Variants in RPAP3 observed in about 807,000 individuals in gnomAD.
The protein encoded by RPAP3 is RNA polymerase II associated protein 3.
In RPAP3, 58 loss-of-function variants were observed where a neutral mutation model predicts 88.8. The observed-to-expected ratio is 0.65, with a 90% confidence interval of 0.53 to 0.81. The LOEUF is 0.81. Ranked by LOEUF, RPAP3 falls within the 40% of genes least tolerant of loss-of-function variation. The pLI is 0.00. For synonymous variants in RPAP3, 255 were observed against 259.9 expected, an observed-to-expected ratio of 0.98 and a Z score of 0.18; for missense variants, 751 against 764.3, an observed-to-expected ratio of 0.98 and a Z score of 0.20.
At chr12:47,668,875 C>A in intron 14 of RPAP3, 41 bp downstream of exon 14, 2 of 1,486,438 alleles carry the variant, frequency 1.3e-6, no homozygotes, top group Non-Finnish European at 1.9e-6. Flanking sequence ...AGTTCTCTGA[C>A]CTTTTACTTA....
intron 5 of RPAP3, among the ~76,000 whole-genome samples, chr12:47,693,890 A>C (rs1020973097): frequency 6.6e-6 from 1 of 152,230 alleles, no homozygotes; most frequent in Non-Finnish European, 1.5e-5. Flanking sequence ...AAGACCTACC[A>C]AACACAGATG....
chr12:47,686,295 C>T (rs2136629261), intron 9 of RPAP3, among the ~76,000 whole-genome samples: 1 of 152,244 alleles, frequency 6.6e-6, no homozygotes, highest in East Asian at 1.9e-4. Context: ...TCAATGACAG[C>T]AGTTCTCTTT....
intron 16 of RPAP3, chr12:47,664,937 G>A (rs1938838699): frequency 6.6e-6 from 1 of 152,176 alleles, no homozygotes; most frequent in Non-Finnish European, 1.5e-5. Context: ...AGAAGAGAGA[G>A]GTTCATGGGG....
In RPAP3 at chr12:47,687,908, T is replaced by C. The variant is rs1939355858; in HGVS notation, c.832A>G (p.Asn278Asp). Residue 278 changes from asparagine to aspartate, a missense_variant, in exon 8 of 17, where the codon AAT becomes GAT. By Grantham distance (23) the Asn-to-Asp change is conservative. Coordinates refer to ENST00000005386, the MANE Select transcript of RPAP3 (RefSeq NM_024604.3). ...GERKQIEAQQNKQQAISEKDR... is the reference protein window; with the variant it reads ...GERKQIEAQQDKQQAISEKDR... ...TTCTCTGAAATGGCCTGCTGCTTAT[T>C]CTGTTGTGCTTCAATTTGCTTTCGC... 1.2e-6 allele frequency: 2 copies of C among 1,613,502 alleles called. No homozygotes were observed. The highest frequency in any genetic ancestry group is 1.7e-5 in the Admixed American group (1 of 59,958).
At position 47,691,966 on chromosome 12, in the gene RPAP3, C is replaced by T. The variant is rs188933476; in HGVS notation, c.546-1327G>A. Reference sequence around the variant, plus strand: ...TTCACCGTGTTTGCCAGGATGGTCTCGATCTCCTGACCTTGTGATCTGCCC... The same window carrying T: ...TTCACCGTGTTTGCCAGGATGGTCTTGATCTCCTGACCTTGTGATCTGCCC... On this transcript the variant is annotated intron_variant, in intron 5 of 16. Coordinates refer to ENST00000005386, the MANE Select transcript of RPAP3 (RefSeq NM_024604.3). Among the ~76,000 whole-genome samples, 43 of 152,204 alleles carry T rather than the reference C, an allele frequency of 2.8e-4. No homozygotes were observed. In the East Asian group the frequency reaches 7.9e-3, roughly 28 times the overall value.
At chr12:47,691,726 A>G (rs1939432995) in intron 5 of RPAP3, among the ~76,000 whole-genome samples, 1 of 151,980 alleles carries the variant, frequency 6.6e-6, no homozygotes, top group African/African-American at 2.4e-5. Flanking sequence ...CTGTCAGTAC[A>G]CTACTTTGAA....
chr12:47,702,584 C>G, intron 2 of RPAP3, 104 bp downstream of exon 2: 1 of 922,542 alleles, frequency 1.1e-6, no homozygotes, highest in Non-Finnish European at 1.6e-6. Flanking sequence ...GACAGTGAAG[C>G]AAGTCACTTC....
intron 3 of RPAP3, among the ~76,000 whole-genome samples, chr12:47,700,618 G>A (rs753334854): frequency 4.6e-5 from 7 of 152,156 alleles, no homozygotes; most frequent in Non-Finnish European, 7.4e-5. Context: ...TCTTTCACAG[G>A]CTGACACGAC....
rs764174535 is a variant in RPAP3, at chr12:47,687,931, C to A, written c.809G>T (p.Arg270Leu). 19 of 1,613,630 alleles carry A rather than the reference C, an allele frequency of 1.2e-5. No individual in the cohort carries two copies. In the East Asian group the frequency reaches 4.0e-4, roughly 34 times the overall value. Residue 270 changes from arginine to leucine, a missense_variant, in exon 8 of 17, where the codon CGA (arginine) becomes CTA (leucine). Transcript: ENST00000005386. The part of the protein sequence containing the change: ...DIVIKSTEGE[R>L]KQIEAQQNKQ... ...ATTCTGTTGTGCTTCAATTTGCTTT[C>A]GCTCTCCTTCTGTTGACTTAATCAC...
At chr12:47,689,031 A>G in intron 7 of RPAP3, 94 bp downstream of exon 7, 1 of 632,780 alleles carries the variant, frequency 1.6e-6, no homozygotes, top group Non-Finnish European at 2.7e-6. Context: ...GAAAATCTCA[A>G]TATTAAGAAA....
At position 47,670,269 on chromosome 12, in the gene RPAP3, G is replaced by A; in HGVS notation, c.1364C>T (p.Ala455Val). The A allele has an allele frequency of 6.2e-7, 1 of 1,613,412 alleles. No homozygotes were observed. ...AATAGGATTATTCTCTGGAGCAGCA[G>A]CAGTAGTGCTATCTGGCACATCAAT... ...QTIDVPDSTT[A>V]AAPENNPINL... Residue 455 changes from alanine to valine, a missense_variant, in exon 13 of 17, where the codon GCT becomes GTT. By Grantham distance (64) the Ala-to-Val change is moderately conservative. Coordinates refer to ENST00000005386, the MANE Select transcript of RPAP3 (RefSeq NM_024604.3).
chr12:47,681,790 T>C lies in RPAP3; in HGVS notation c.1020A>G (p.Thr340=). 2.5e-6 allele frequency: 4 copies of C among 1,609,842 alleles called. No individual in the cohort carries two copies. Among genetic ancestry groups the C allele is most frequent in the Non-Finnish European group, 3.4e-6 (4 of 1,178,390 alleles). ...ATGAGCCATCTAATAAAATGGCTTGTGTGCAGTCTTTTTCAGCTTCTTCAT... is the reference window on the plus strand; with the variant it reads ...ATGAGCCATCTAATAAAATGGCTTGCGTGCAGTCTTTTTCAGCTTCTTCAT... ...QKYEEAEKDC[T]QAILLDGSYS... Residue 340 remains threonine (T), a synonymous_variant, in exon 10 of 17, where the codon ACA becomes ACG. Coordinates refer to ENST00000005386, the MANE Select transcript of RPAP3 (RefSeq NM_024604.3).
At position 47,696,368 on chromosome 12, in the gene RPAP3, T is replaced by G. The variant is rs1939526826; in HGVS notation, c.453A>C (p.Glu151Asp). ...TGCCTTTTGTGTAGCAGTCAATTGC[T>G]TCATCATATTTTCCTTGTTTGAAGT... ...NKYFKQGKYD[E>D]AIDCYTKGMD... is the part of the protein sequence containing the mutation. The change falls in exon 5 of 17, where the codon GAA (glutamate) becomes GAC (aspartate). Residue 151 changes from glutamate to aspartate, a missense_variant. Physicochemically the swap from Glu to Asp is conservative, Grantham distance 45 (BLOSUM62 2). Transcript: ENST00000005386. 2.5e-6 allele frequency: 4 copies of G among 1,595,392 alleles called. No individual in the cohort carries two copies. In the East Asian group the frequency reaches 9.1e-5, roughly 36 times the overall value.
chr12:47,678,475 G>A (rs1433128338), intron 12 of RPAP3, among the ~76,000 whole-genome samples: 2 of 152,068 alleles, frequency 1.3e-5, no homozygotes, highest in Non-Finnish European at 2.9e-5. Flanking sequence ...CTACAGAATG[G>A]GAGAAAATTT....
chr12:47,663,414 T>C lies in RPAP3; in HGVS notation c.*91A>G, dbSNP rs369612422. ...GTTCAAAGATAGTCCTTTCCTGCTA[T>C]ATAATTTCATTTTCTTAAAAAGCAA... On this transcript the variant is annotated 3_prime_UTR_variant, in exon 17 of 17. Transcript: ENST00000005386. The C allele has an allele frequency of 1.3e-5, 10 of 772,474 alleles. No individual in the cohort carries two copies. The Middle Eastern group carries it at 1.8e-3, about 139-fold the overall frequency. 47.9% of individuals were successfully genotyped at this position (772,474 alleles called of 1,614,324 possible). A position where few individuals can be genotyped will look rare whatever the true frequency, so the allele number is the denominator to read the frequency against.
chr12:47,697,541 T>C, intron 4 of RPAP3, 56 bp downstream of exon 4: 1 of 1,507,066 alleles, frequency 6.6e-7, no homozygotes, highest in East Asian at 2.3e-5. Flanking sequence ...ACGATCCACA[T>C]GATTTTCAAC....
intron 1 of RPAP3, among the ~76,000 whole-genome samples, chr12:47,705,706 G>A (rs1437635913): frequency 4.6e-5 from 7 of 152,196 alleles, no homozygotes; most frequent in African/African-American, 1.7e-4. Flanking sequence ...AATCGCAGCA[G>A]GGTGGAGGGT....
At chr12:47,679,412 T>G in intron 12 of RPAP3, 81 bp downstream of exon 12, 1 of 887,584 alleles carries the variant, frequency 1.1e-6, no homozygotes, top group Non-Finnish European at 1.7e-6. Flanking sequence ...AAAAAAAGTT[T>G]ATTAATACAA....
At position 47,679,593 on chromosome 12, in the gene RPAP3, T is replaced by C; in HGVS notation, c.1187A>G (p.Glu396Gly). ...AVTELSKIKK[E>G]LIEKGHWDDV... The stretch of plus-strand genomic sequence containing the variant: ...ATCCCAGTGTCCTTTCTCAATTAAT[T>C]CCTTGAAAATAAATTTATAACCCTA... The change falls in exon 12 of 17, where the codon GAA becomes GGA. Residue 396 changes from glutamate to glycine, a missense_variant and splice_region_variant. By Grantham distance (98) the Glu-to-Gly change is moderately conservative (BLOSUM62 -2). Coordinates refer to ENST00000005386, the MANE Select transcript of RPAP3 (RefSeq NM_024604.3). 1 of 1,587,052 alleles carries C rather than the reference T, an allele frequency of 6.3e-7. No homozygotes were observed. Among genetic ancestry groups the C allele is most frequent in the Non-Finnish European group, 8.6e-7 (1 of 1,161,536 alleles).
Sources: gnomAD v4.1 joint callset for allele counts (sites outside exome capture counted in the v4.1 genomes callset) on GRCh38, gnomAD v4.1.1 for gene constraint, MANE v1.5 for transcripts, NCBI Gene and HGNC (gene_info 2026-07-23, HGNC 2026-07-21) for gene names.